SAE1: variants seen among roughly 807,000 people sequenced by gnomAD.
SAE1 encodes the protein SUMO-activating enzyme subunit 1.
In SAE1, 11 loss-of-function variants were observed where a neutral mutation model predicts 40.6. That is an observed-to-expected ratio of 0.27 (90% CI 0.17 to 0.45). SAE1 has a LOEUF of 0.45. Among genes scored for constraint, SAE1 ranks in the 20% least tolerant of loss-of-function variants. The probability of loss-of-function intolerance (pLI) is 1.00; values close to 1 mark genes in which losing one functional copy is unlikely to be tolerated. For missense variants in SAE1, 373 were observed against 427.3 expected, an observed-to-expected ratio of 0.87 and a Z score of 1.12; for synonymous variants, 155 against 154.3, an observed-to-expected ratio of 1.00 and a Z score of -0.03.
rs1471078597 is a variant in SAE1, at chr19:47,150,202, G to A, written c.211G>A (p.Val71Ile). 2 of 1,570,080 alleles carry A rather than the reference G, an allele frequency of 1.3e-6. No individual in the cohort carries two copies. ...AAAAAAATATGTGTATTATTCCTAGGTAACTCCAGAAGATCCCGGAGCTCA... is the reference window on the plus strand; with the variant it reads ...AAAAAAATATGTGTATTATTCCTAGATAACTCCAGAAGATCCCGGAGCTCA... ...KGLTMLDHEQ[V>I]TPEDPGAQFL... Residue 71 changes from valine to isoleucine, a missense_variant and splice_region_variant, in exon 3 of 9, where the codon GTA becomes ATA. Physicochemically the swap from Val to Ile is conservative, Grantham distance 29. Transcript: ENST00000270225.
intron 7 of SAE1, among the ~76,000 whole-genome samples, chr19:47,198,304 G>T (rs561710171): frequency 6.6e-6 from 1 of 151,922 alleles, no homozygotes; most frequent in African/African-American, 2.4e-5. Flanking sequence ...GTAGAGATGG[G>T]GTTTTCCATG....
intron 5 of SAE1, among the ~76,000 whole-genome samples, chr19:47,159,508 T>A (rs918161349): frequency 1.1e-4 from 16 of 152,128 alleles, no homozygotes; most frequent in African/African-American, 3.9e-4. Context: ...TGGTGGCTGT[T>A]AACTGCAGCA....
chr19:47,149,935 T>G (rs920538548), intron 2 of SAE1, among the ~76,000 whole-genome samples: 1 of 151,438 alleles, frequency 6.6e-6, no homozygotes, highest in African/African-American at 2.4e-5. Flanking sequence ...AATTAGCTGT[T>G]GTGGTGGTGC....
intron 1 of SAE1, among the ~76,000 whole-genome samples, chr19:47,140,822 T>A (rs1324520920): frequency 6.6e-6 from 1 of 152,016 alleles, no homozygotes; most frequent in African/African-American, 2.4e-5. Context: ...AACATGGTAT[T>A]TGGTGTTGAT....
intron 1 of SAE1, among the ~76,000 whole-genome samples, chr19:47,142,989 C>T (rs1975274438): frequency 6.6e-6 from 1 of 152,150 alleles, no homozygotes; most frequent in Non-Finnish European, 1.5e-5. Context: ...AGAAGGATGC[C>T]TGGCATAGTT....
intron 6 of SAE1, among the ~76,000 whole-genome samples, chr19:47,188,377 A>G (rs2058557337): frequency 1.3e-5 from 2 of 152,054 alleles, no homozygotes; most frequent in African/African-American, 2.4e-5. Context: ...AAATAATCAC[A>G]AACTGTGAGT....
rs2058704739 is a variant in SAE1 at position 47,209,873 on chromosome 19, T to G, written c.*622T>G. The G allele has an allele frequency of 6.6e-6, 1 of 152,270 alleles. No homozygotes were observed. The highest frequency in any genetic ancestry group is 1.5e-5 in the Non-Finnish European group (1 of 68,148). 9.4% of individuals were successfully genotyped at this position (152,270 alleles called of 1,614,324 possible). ...CTGTTCTTGAGTTTTCGTTTAGGATTAGTTGAGTTCCAGCTGGGTTTTGGG... is the reference window on the plus strand; with the variant it reads ...CTGTTCTTGAGTTTTCGTTTAGGATGAGTTGAGTTCCAGCTGGGTTTTGGG... On this transcript the variant is annotated 3_prime_UTR_variant, in exon 9 of 9. Coordinates refer to ENST00000270225, the MANE Select transcript of SAE1 (RefSeq NM_005500.3).
At chr19:47,145,846 A>G (rs954764509) in intron 2 of SAE1, among the ~76,000 whole-genome samples, 18 of 152,166 alleles carry the variant, frequency 1.2e-4, no homozygotes, top group African/African-American at 3.6e-4. Flanking sequence ...TTTACATTCA[A>G]CAAGCATCTG....
chr19:47,152,287 T>A (rs890426019), intron 3 of SAE1, among the ~76,000 whole-genome samples: 1 of 152,252 alleles, frequency 6.6e-6, no homozygotes, highest in Non-Finnish European at 1.5e-5. Context: ...ATAATTCCAC[T>A]GAGTGGATCA....
chr19:47,158,147 C>T (rs2123224789), intron 5 of SAE1, among the ~76,000 whole-genome samples: 1 of 152,198 alleles, frequency 6.6e-6, no homozygotes, highest in African/African-American at 2.4e-5. Context: ...GTTAGGGTTC[C>T]CTTCCCCTCC....
chr19:47,167,701 G>C (rs907081112), intron 5 of SAE1, among the ~76,000 whole-genome samples: 36 of 152,114 alleles, frequency 2.4e-4, no homozygotes, highest in Non-Finnish European at 4.0e-4. Flanking sequence ...TATGGAGAGA[G>C]AGGGAGGAAG....
At chr19:47,168,875 A>T (rs2058413288) in intron 5 of SAE1, among the ~76,000 whole-genome samples, 1 of 152,198 alleles carries the variant, frequency 6.6e-6, no homozygotes, top group Non-Finnish European at 1.5e-5. Context: ...AAGTGCTAGG[A>T]TCACAGGCGT....
intron 6 of SAE1, among the ~76,000 whole-genome samples, chr19:47,190,715 G>A (rs992610065): frequency 1.2e-4 from 18 of 152,146 alleles, no homozygotes; most frequent in Admixed American, 3.9e-4. Flanking sequence ...AGCTGCTGCC[G>A]CCTTTGCTCC....
At chr19:47,200,240 T>TG in intron 7 of SAE1, among the ~76,000 whole-genome samples, 1 of 150,986 alleles carries the variant, frequency 6.6e-6, no homozygotes, top group East Asian at 1.9e-4. Flanking sequence ...GCCTCTTTTT[T>TG]TTTTTTTTTT....
chr19:47,205,395 T>C (rs929514797), intron 8 of SAE1, among the ~76,000 whole-genome samples: 3 of 151,852 alleles, frequency 2.0e-5, no homozygotes, highest in Non-Finnish European at 4.4e-5. Flanking sequence ...CAAATCTAAC[T>C]TTCTTCTATG....
intron 6 of SAE1, chr19:47,180,282 A>T: frequency 2.2e-6 from 1 of 456,226 alleles, no homozygotes; most frequent in Non-Finnish European, 4.4e-6. Flanking sequence ...CTGTTTCCAG[A>T]TCTGGGGTAG....
Position 47,143,532 on chromosome 19 carries a change from G to A in SAE1, c.137G>A (p.Gly46Glu). The change falls in exon 2 of 9, where the codon GGA (glycine) becomes GAA (glutamate). Residue 46 changes from glycine to glutamate, a missense_variant. Gly to Glu is a moderately conservative substitution (Grantham distance 98, BLOSUM62 -2). Transcript: ENST00000270225. Reference sequence around the variant, plus strand: ...CGGGTGCTTCTTGTCGGCTTGAAAGGACTTGGGGCTGAAATTGCCAAGAAT... The same window carrying A: ...CGGGTGCTTCTTGTCGGCTTGAAAGAACTTGGGGCTGAAATTGCCAAGAAT... ...ASRVLLVGLK[G>E]LGAEIAKNLI... is the part of the protein sequence containing the mutation. 1 of 1,614,158 alleles carries A rather than the reference G, an allele frequency of 6.2e-7. No homozygotes were observed. The highest frequency in any genetic ancestry group is 2.2e-5 in the East Asian group (1 of 44,888).
chr19:47,145,906 G>C (rs963385790), intron 2 of SAE1, among the ~76,000 whole-genome samples: 1 of 150,152 alleles, frequency 6.7e-6, no homozygotes, highest in East Asian at 2.0e-4. Flanking sequence ...GTGATAGAAA[G>C]ATGCTCACGG....
intron 7 of SAE1, among the ~76,000 whole-genome samples, chr19:47,203,259 C>G (rs958021108): frequency 6.6e-6 from 1 of 152,156 alleles, no homozygotes. Flanking sequence ...TACATGTTAA[C>G]ACAGGCCTGC....
Sources: allele counts gnomAD v4.1 joint callset (sites outside exome capture counted in the v4.1 genomes callset), GRCh38; gene constraint gnomAD v4.1.1; transcripts MANE v1.5; gene names NCBI Gene and HGNC (gene_info 2026-07-23, HGNC 2026-07-21).